Variants in RIC3 observed in about 807,000 individuals in gnomAD.
RIC3 encodes protein RIC-3.
Under a neutral mutation model 27.3 loss-of-function variants are expected in RIC3, and 28 were observed. The ratio of observed to expected loss-of-function variants is 1.02; its 90% CI spans 0.76 to 1.41. The LOEUF (loss-of-function observed/expected upper bound fraction) is 1.41. Among genes scored for constraint, RIC3 ranks in the 40% most tolerant of loss-of-function variants. RIC3 has a pLI of 0.00. For synonymous variants in RIC3, 184 were observed against 160.4 expected, an observed-to-expected ratio of 1.15 and a Z score of -1.11; for missense variants, 501 against 444.7, an observed-to-expected ratio of 1.13 and a Z score of -1.14.
intron 1 of RIC3, among the ~76,000 whole-genome samples, chr11:8,143,806 G>T (rs375623404): frequency 3.9e-4 from 59 of 152,076 alleles, no homozygotes; most frequent in Admixed American, 1.6e-3. Flanking sequence ...AACCAAAACA[G>T]CATGGTACTG....
the RIC3 span, chr11:8,097,179 G>A: frequency 1.2e-6 from 2 of 1,601,014 alleles, no homozygotes; most frequent in African/African-American, 2.7e-5. Flanking sequence ...CACCAATTTG[G>A]GCTGCTTAGG....
chr11:8,152,819 G>A (rs762485427), intron 1 of RIC3, among the ~76,000 whole-genome samples: 18 of 151,710 alleles, frequency 1.2e-4, no homozygotes, highest in Non-Finnish European at 2.4e-4. Flanking sequence ...GCTTCAAATT[G>A]TGGTCCTAAT....
chr11:8,132,126 A>G (rs1020205091), intron 4 of RIC3, among the ~76,000 whole-genome samples: 1 of 152,006 alleles, frequency 6.6e-6, no homozygotes, highest in Admixed American at 6.6e-5. Context: ...TTTCTCATGG[A>G]CTGCTTGACC....
Position 8,140,083 on chromosome 11 carries a change from C to A in RIC3, c.235G>T (p.Ala79Ser), listed in dbSNP as rs1948876842. Residue 79 changes from alanine to serine, a missense_variant, in exon 2 of 6, where the codon GCC becomes TCC. By Grantham distance (99) the Ala-to-Ser change is moderately conservative (BLOSUM62 1). Coordinates refer to ENST00000309737, the MANE Select transcript of RIC3 (RefSeq NM_001206671.4). ...RSHLAEAFAK[A>S]KGSGGGAGGG... ...CCAGCACCTCCACCTGATCCTTTGG[C>A]CTTTGCAAATGCCTCGGCAAGGTGA... 6.2e-7 allele frequency: 1 copy of A among 1,614,112 alleles called. No individual in the cohort carries two copies. The highest frequency in any genetic ancestry group is 8.5e-7 in the Non-Finnish European group (1 of 1,180,028).
intron 1 of RIC3, among the ~76,000 whole-genome samples, chr11:8,157,679 G>A (rs1467441983): frequency 6.6e-6 from 1 of 152,142 alleles, no homozygotes; most frequent in Non-Finnish European, 1.5e-5. Context: ...ATTATACTGG[G>A]AGTGTTAGCC....
At chr11:8,141,944 C>T (rs1290138955) in intron 1 of RIC3, among the ~76,000 whole-genome samples, 117 of 151,760 alleles carry the variant, frequency 7.7e-4, no homozygotes, top group Middle Eastern at 3.4e-3. Context: ...CATAACGAAA[C>T]GAAGGCAGAA....
the RIC3 span, among the ~76,000 whole-genome samples, chr11:8,099,042 TCTC>T: frequency 8.6e-5 from 13 of 152,030 alleles, no homozygotes; most frequent in East Asian, 1.9e-4. Context: ...GCTCTGGCTC[TCTC>T]CTCCTGACTT....
intron 1 of RIC3, among the ~76,000 whole-genome samples, chr11:8,165,460 T>C (rs1276401796): frequency 2.6e-5 from 4 of 152,140 alleles, no homozygotes; most frequent in Non-Finnish European, 5.9e-5. Flanking sequence ...ATTTCATTTA[T>C]ACCAAATGTC....
At position 8,107,864 on chromosome 11, in the gene RIC3, A is replaced by T. The variant is rs2133984689; in HGVS notation, c.*2834T>A. ...ACAGTGCCAAAAGGCCAGGGGACTG[A>T]TCAAGTTCCCAGCACCCTCGTGAGA... On this transcript the variant is annotated 3_prime_UTR_variant, in exon 6 of 6. Transcript: ENST00000309737. 1.3e-5 allele frequency: 2 copies of T among 152,332 alleles called. No homozygotes were observed. Among genetic ancestry groups the T allele is most frequent in the South Asian group, 4.2e-4 (2 of 4,816 alleles). 9.4% of individuals were successfully genotyped at this position (152,332 alleles called of 1,614,324 possible). A position where few individuals can be genotyped will look rare whatever the true frequency, so the allele number is the denominator to read the frequency against.
the RIC3 span, chr11:8,097,858 G>A: frequency 6.3e-7 from 1 of 1,575,836 alleles, no homozygotes; most frequent in Non-Finnish European, 8.7e-7. Context: ...GCAGGCGGGA[G>A]TGGGAGGGAG....
Position 8,110,826 on chromosome 11 carries a change from G to A in RIC3, c.982C>T (p.Pro328Ser). The A allele has an allele frequency of 6.2e-7, 1 of 1,614,164 alleles. No individual in the cohort carries two copies. Residue 328 changes from proline to serine, a missense_variant, in exon 6 of 6, where the codon CCT (proline) becomes TCT (serine). Pro to Ser is a moderately conservative substitution (Grantham distance 74). Coordinates refer to ENST00000309737, the MANE Select transcript of RIC3 (RefSeq NM_001206671.4). ...TCTTTGGTGGTTTCCTCTTGCTCAG[G>A]GTAGCTATCTGCACTGAATCCAGCA... ...ENAGFSADSY[P>S]EQEETTKEEW...
Position 8,126,725 on chromosome 11 carries a change from T to C in RIC3, c.604A>G (p.Lys202Glu). 1 of 1,614,168 alleles carries C rather than the reference T, an allele frequency of 6.2e-7. No homozygotes were observed. Among genetic ancestry groups the C allele is most frequent in the Middle Eastern group, 1.6e-4 (1 of 6,062 alleles). The change falls in exon 5 of 6, where the codon AAA (lysine) becomes GAA (glutamate). Residue 202 changes from lysine (K) to glutamate (E), a missense_variant. Coordinates refer to ENST00000309737, the MANE Select transcript of RIC3 (RefSeq NM_001206671.4). ...TCTGGAGAAAATCTGTCAATGAATTTTCCTTCTTTCATGACCCTGGTGATT... is the reference window on the plus strand; with the variant it reads ...TCTGGAGAAAATCTGTCAATGAATTCTCCTTCTTTCATGACCCTGGTGATT... ...REITRVMKEG[K>E]FIDRFSPEKE...
chr11:8,103,503 A>C (rs1944393920), downstream of RIC3: 1 of 152,604 alleles, frequency 6.6e-6, no homozygotes, highest in Non-Finnish European at 1.5e-5. Flanking sequence ...AGATTTTCCT[A>C]TGTTGAATGC....
downstream of RIC3, chr11:8,101,962 G>A (rs76201467): frequency 9.6e-3 from 2,929 of 304,654 alleles, 58 homozygotes; most frequent in African/African-American, 0.053. Flanking sequence ...GAGGCATAGA[G>A]GGAGAGGAAG....
At chr11:8,139,201 G>C (rs1261883110) in intron 2 of RIC3, 3 of 152,288 alleles carry the variant, frequency 2.0e-5, no homozygotes, top group Non-Finnish European at 4.4e-5. Context: ...GGCACCCTAT[G>C]GGCATTCTTA....
At chr11:8,117,870 A>G (rs994041115) in intron 5 of RIC3, among the ~76,000 whole-genome samples, 4 of 152,114 alleles carry the variant, frequency 2.6e-5, no homozygotes, top group Non-Finnish European at 4.4e-5. Context: ...GGAAAATCAA[A>G]TAATAACTCA....
intron 1 of RIC3, among the ~76,000 whole-genome samples, chr11:8,147,105 C>G (rs945751768): frequency 6.6e-6 from 1 of 152,182 alleles, no homozygotes; most frequent in Non-Finnish European, 1.5e-5. Flanking sequence ...AAGAATGCAA[C>G]CATTCCTCTC....
intron 4 of RIC3, among the ~76,000 whole-genome samples, chr11:8,130,498 C>T (rs1008972268): frequency 1.3e-5 from 2 of 152,140 alleles, no homozygotes; most frequent in Non-Finnish European, 2.9e-5. Context: ...TCTGCCTCCT[C>T]GTACTCCAAA....
At chr11:8,095,098 G>A in the RIC3 span, among the ~76,000 whole-genome samples, 1 of 152,222 alleles carries the variant, frequency 6.6e-6, no homozygotes. Flanking sequence ...TCTGTTTGTG[G>A]AAGAAAACAC....
Sources: allele counts gnomAD v4.1 joint callset (sites outside exome capture counted in the v4.1 genomes callset), GRCh38; gene constraint gnomAD v4.1.1; transcripts MANE v1.5; gene names NCBI Gene and HGNC (gene_info 2026-07-23, HGNC 2026-07-21).